CSMD1: variants seen among roughly 807,000 people sequenced by gnomAD.
CSMD1 encodes the protein CUB and sushi domain-containing protein 1.
In CSMD1, 213 loss-of-function variants were observed where a neutral mutation model predicts 417.5. The ratio of observed to expected loss-of-function variants is 0.51; its 90% CI spans 0.46 to 0.57. The LOEUF is 0.57. Among genes scored for constraint, CSMD1 ranks in the 20% least tolerant of loss-of-function variants. The pLI is 0.00. For synonymous variants in CSMD1, 2,862 were observed against 1,736.8 expected (o/e 1.65, Z -16.11); for missense variants, 6,923 against 4,529.7 (o/e 1.53, Z -15.17).
chr8:4,748,673 C>G (rs892560112), intron 1 of CSMD1, among the ~76,000 whole-genome samples: 6 of 152,120 alleles, frequency 3.9e-5, no homozygotes, highest in African/African-American at 1.4e-4. Context: ...GTCTAAAATT[C>G]AAGTTTGTAG....
intron 4 of CSMD1, among the ~76,000 whole-genome samples, chr8:3,999,990 T>C (rs1815538915): frequency 1.3e-5 from 2 of 152,258 alleles, no homozygotes; most frequent in Non-Finnish European, 2.9e-5. Flanking sequence ...ACCACGGTAG[T>C]GTTTCCTTTT....
intron 20 of CSMD1, among the ~76,000 whole-genome samples, chr8:3,364,576 C>T (rs144794594): frequency 1.6e-4 from 24 of 152,294 alleles, no homozygotes; most frequent in African/African-American, 5.8e-4. Flanking sequence ...AATCCATGTG[C>T]TGGAAATTTG....
chr8:3,071,645 C>T (rs1369455853), intron 49 of CSMD1, among the ~76,000 whole-genome samples: 1 of 152,122 alleles, frequency 6.6e-6, no homozygotes, highest in African/African-American at 2.4e-5. Context: ...AAAATAAATG[C>T]AATATTCATT....
At chr8:3,668,201 G>C (rs2117502599) in intron 7 of CSMD1, among the ~76,000 whole-genome samples, 1 of 152,202 alleles carries the variant, frequency 6.6e-6, no homozygotes, top group South Asian at 2.1e-4. Context: ...CAGCTAATAA[G>C]GGAACATAGT....
At chr8:4,526,391 T>C (rs75389933) in intron 2 of CSMD1, among the ~76,000 whole-genome samples, 1 of 152,344 alleles carries the variant, frequency 6.6e-6, no homozygotes, top group Admixed American at 6.5e-5. Context: ...TCAACAAGAA[T>C]TGCATCTTAC....
intron 3 of CSMD1, among the ~76,000 whole-genome samples, chr8:4,243,823 C>T (rs182359875): frequency 6.6e-6 from 1 of 152,196 alleles, no homozygotes; most frequent in South Asian, 2.1e-4. Flanking sequence ...TACAATGAAA[C>T]AAAGATGTAT....
intron 7 of CSMD1, among the ~76,000 whole-genome samples, chr8:3,683,475 G>T (rs1240261547): frequency 2.0e-5 from 3 of 152,156 alleles, no homozygotes; most frequent in Non-Finnish European, 4.4e-5. Context: ...TTCTGGAGGG[G>T]TGTTCATAGG....
intron 6 of CSMD1, among the ~76,000 whole-genome samples, chr8:3,751,714 A>G (rs1008283924): frequency 6.6e-5 from 10 of 152,182 alleles, no homozygotes; most frequent in African/African-American, 2.4e-4. Flanking sequence ...AGTTTCTTAT[A>G]TCTACCATCT....
intron 3 of CSMD1, among the ~76,000 whole-genome samples, chr8:4,320,040 A>T (rs1421082757): frequency 6.6e-6 from 1 of 152,204 alleles, no homozygotes; most frequent in East Asian, 1.9e-4. Context: ...CAATGAAAAA[A>T]ATGAGTAGTA....
intron 5 of CSMD1, among the ~76,000 whole-genome samples, chr8:3,865,176 G>C (rs1055506246): frequency 1.3e-5 from 2 of 152,154 alleles, no homozygotes; most frequent in East Asian, 1.9e-4. Flanking sequence ...TGGGTGTAGA[G>C]GCACCTCTGA....
At chr8:4,502,932 T>C (rs1017054224) in intron 2 of CSMD1, among the ~76,000 whole-genome samples, 2 of 152,176 alleles carry the variant, frequency 1.3e-5, no homozygotes, top group Non-Finnish European at 2.9e-5. Flanking sequence ...TATATGTCTG[T>C]TTGGTCTCTC....
At chr8:3,009,021 A>G (rs1420455337) in intron 52 of CSMD1, among the ~76,000 whole-genome samples, 4 of 152,168 alleles carry the variant, frequency 2.6e-5, no homozygotes, top group Admixed American at 2.6e-4. Context: ...CCACTGTTTC[A>G]CTTCTCCCGC....
At chr8:4,316,177 C>T (rs1186851667) in intron 3 of CSMD1, among the ~76,000 whole-genome samples, 2 of 152,134 alleles carry the variant, frequency 1.3e-5, no homozygotes, top group South Asian at 2.1e-4. Flanking sequence ...TGTAGATTAG[C>T]TAAATTTCAA....
At chr8:4,974,603 T>G (rs893943436) in intron 1 of CSMD1, among the ~76,000 whole-genome samples, 2 of 152,132 alleles carry the variant, frequency 1.3e-5, no homozygotes, top group African/African-American at 4.8e-5. Flanking sequence ...AACATCAACA[T>G]ATATATTTTT....
intron 2 of CSMD1, among the ~76,000 whole-genome samples, chr8:4,422,083 A>T (rs190530089): frequency 7.6e-4 from 115 of 152,260 alleles, no homozygotes; most frequent in African/African-American, 2.6e-3. Flanking sequence ...GAACTATTAC[A>T]ACTAACCAAT....
At chr8:4,754,199 T>C (rs560244950) in intron 1 of CSMD1, among the ~76,000 whole-genome samples, 48 of 152,202 alleles carry the variant, frequency 3.2e-4, no homozygotes, top group African/African-American at 1.1e-3. Context: ...CCACCATTCA[T>C]CTCTACAACT....
intron 1 of CSMD1, among the ~76,000 whole-genome samples, chr8:4,664,668 T>TTA (rs563634577): frequency 1.3e-5 from 2 of 152,216 alleles, no homozygotes; most frequent in Non-Finnish European, 2.9e-5. Flanking sequence ...GTGCTTATTA[T>TTA]TATAACAGGT....
intron 2 of CSMD1, among the ~76,000 whole-genome samples, chr8:4,531,298 G>A (rs1043418217): frequency 9.9e-5 from 15 of 152,238 alleles, no homozygotes; most frequent in Admixed American, 5.2e-4. Context: ...AACTAAACCC[G>A]ATGTGCCGTG....
intron 26 of CSMD1, among the ~76,000 whole-genome samples, chr8:3,244,480 G>A (rs1045917037): frequency 1.3e-5 from 2 of 152,136 alleles, no homozygotes; most frequent in African/African-American, 4.8e-5. Context: ...GTCTTTCCAG[G>A]AAGAAAGGAA....
Sources: allele counts gnomAD v4.1 joint callset (sites outside exome capture counted in the v4.1 genomes callset), GRCh38; gene constraint gnomAD v4.1.1; transcripts MANE v1.5; gene names NCBI Gene and HGNC (gene_info 2026-07-23, HGNC 2026-07-21).